Variants in B9D1 observed in about 807,000 individuals in gnomAD.
The protein encoded by B9D1 is B9 domain-containing protein 1.
A neutral mutation model predicts 26.1 loss-of-function variants in B9D1; 20 were observed. That is an observed-to-expected ratio of 0.77 (90% CI 0.54 to 1.12). B9D1 has a LOEUF of 1.12. B9D1 is among the 50% of genes most tolerant of loss of function. The pLI is 0.00. For synonymous variants in B9D1, 105 were observed against 103.1 expected (o/e 1.02, Z -0.11); for missense variants, 260 against 273.7 (o/e 0.95, Z 0.35).
chr17:19,347,901 G>A lies in B9D1; in HGVS notation c.245-21C>T, dbSNP rs1909069384. Reference sequence around the variant, plus strand: ...TGGCCCTTGGGAAGGACAAGGCAGGGGGTGGGCACATGAGGACACACAGGG... The same window carrying A: ...TGGCCCTTGGGAAGGACAAGGCAGGAGGTGGGCACATGAGGACACACAGGG... On this transcript the variant is annotated intron_variant, in intron 3 of 6. Coordinates refer to ENST00000261499, the MANE Select transcript of B9D1 (RefSeq NM_015681.6). This position sits in a 1 kb window ranked among gnomAD's most constrained non-coding sequence, Gnocchi z 4.3. The A allele has an allele frequency of 1.9e-6, 3 of 1,608,998 alleles. No individual in the cohort carries two copies. Among genetic ancestry groups the A allele is most frequent in the South Asian group, 2.2e-5 (2 of 90,936 alleles).
downstream of B9D1, chr17:19,335,560 G>T: frequency 2.9e-6 from 4 of 1,365,634 alleles, no homozygotes; most frequent in East Asian, 1.0e-4. Context: ...AGGGCGTGGG[G>T]TGGGGGGTGC....
At chr17:19,364,997 G>C (rs1190762795), upstream of B9D1, among the ~76,000 whole-genome samples, 1 of 152,216 alleles carries the variant, frequency 6.6e-6, no homozygotes, top group African/African-American at 2.4e-5. The surrounding 1 kb of genome is among the most constrained non-coding windows in gnomAD (Gnocchi z 4.3). Flanking sequence ...GCTCCACCCT[G>C]GCCATCTGCC....
chr17:19,336,378 A>C (rs1907447327), downstream of B9D1: 1 of 152,398 alleles, frequency 6.6e-6, no homozygotes, highest in African/African-American at 2.4e-5. Flanking sequence ...ACTTGGGGTC[A>C]GTGATTCTTT....
At chr17:19,342,994 T>G (rs1202380508), downstream of B9D1, 4 of 926,348 alleles carry the variant, frequency 4.3e-6, no homozygotes, top group Non-Finnish European at 5.7e-6. Flanking sequence ...CAGAACCTGG[T>G]TATGTCAAAG....
chr17:19,340,478 TGCATTCTTAAA>T (rs1246359790), downstream of B9D1, among the ~76,000 whole-genome samples: 3 of 146,768 alleles, frequency 2.0e-5, no homozygotes, highest in Admixed American at 2.0e-4. Flanking sequence ...GGCCTGGTTG[TGCATTCTTAAA>T]GTATTCTTGG....
chr17:19,360,864 T>C (rs1218531412), intron 1 of B9D1, among the ~76,000 whole-genome samples: 1 of 152,038 alleles, frequency 6.6e-6, no homozygotes, highest in Non-Finnish European at 1.5e-5. Context: ...ACAGATAAGG[T>C]CTAAGGCAGG....
At chr17:19,352,597 C>T (rs1277534220) in intron 3 of B9D1, among the ~76,000 whole-genome samples, 1 of 148,764 alleles carries the variant, frequency 6.7e-6, no homozygotes, top group Non-Finnish European at 1.5e-5. Flanking sequence ...TCTTGGCTCA[C>T]TGCAACCTCC....
upstream of B9D1, among the ~76,000 whole-genome samples, chr17:19,363,936 C>T (rs1911432834): frequency 6.6e-6 from 1 of 152,164 alleles, no homozygotes; most frequent in Non-Finnish European, 1.5e-5. Context: ...GCTGGTGGCC[C>T]AAGTGCTGCA....
chr17:19,336,851 C>T (rs373680125), downstream of B9D1: 3 of 152,388 alleles, frequency 2.0e-5, no homozygotes, highest in African/African-American at 4.8e-5. Context: ...TCCTAGTGCC[C>T]GCGTGAGCTG....
At chr17:19,346,686 C>T (rs1180584927) in intron 5 of B9D1, among the ~76,000 whole-genome samples, 1 of 152,216 alleles carries the variant, frequency 6.6e-6, no homozygotes, top group Non-Finnish European at 1.5e-5. Context: ...CTGCCTGCCT[C>T]CCTGATGTCT....
downstream of B9D1, chr17:19,335,549 G>A (rs903556984): frequency 2.4e-5 from 35 of 1,445,674 alleles, no homozygotes; most frequent in Non-Finnish European, 3.2e-5. Flanking sequence ...CAGTTGTCCC[G>A]AGGGCGTGGG....
chr17:19,374,858 A>C (rs1912036959), intron 1 of B9D1, among the ~76,000 whole-genome samples: 1 of 152,248 alleles, frequency 6.6e-6, no homozygotes, highest in African/African-American at 2.4e-5. Context: ...AAATATCTGT[A>C]AATCATGGGA....
In B9D1 at chr17:19,370,293, G is replaced by C. The variant is rs561885736; in HGVS notation, c.-298+7566C>G. On this transcript the variant is annotated intron_variant, in intron 1 of 5. Transcript: ENST00000477478. This position sits in a 1 kb window ranked among gnomAD's most constrained non-coding sequence, Gnocchi z 5.1. ...TCAGGGTGCACACGGGGGAGATGTC[G>C]TAGGACAACTGGGTGTTGGATCTGG... 6.6e-6 allele frequency among the ~76,000 whole-genome samples: 1 copy of C among 152,234 alleles called. No homozygotes were observed. Among genetic ancestry groups the C allele is most frequent in the Non-Finnish European group, 1.5e-5 (1 of 68,036 alleles).
chr17:19,351,921 T>G (rs946726373), intron 3 of B9D1, among the ~76,000 whole-genome samples: 5 of 152,214 alleles, frequency 3.3e-5, no homozygotes, highest in Non-Finnish European at 7.3e-5. Flanking sequence ...GGTCTAGCGC[T>G]GGCACCCAGG....
chr17:19,360,328 G>A lies in B9D1; in HGVS notation c.124C>T (p.Pro42Ser). 1 of 1,613,962 alleles carries A rather than the reference G, an allele frequency of 6.2e-7. No individual in the cohort carries two copies. The highest frequency in any genetic ancestry group is 8.5e-7 in the Non-Finnish European group (1 of 1,180,006). The change falls in exon 2 of 7, where the codon CCC (proline) becomes TCC (serine). Residue 42 changes from proline to serine, a missense_variant. Coordinates refer to ENST00000261499, the MANE Select transcript of B9D1 (RefSeq NM_015681.6). ...YCFVYGQDWA[P>S]TAGLEEGISQ... Reference sequence around the variant, plus strand: ...CCAAGAGTCCAGCTTACCGCTGTGGGGGCCCAGTCCTGGCCGTACACAAAG... The same window carrying A: ...CCAAGAGTCCAGCTTACCGCTGTGGAGGCCCAGTCCTGGCCGTACACAAAG...
downstream of B9D1, among the ~76,000 whole-genome samples, chr17:19,336,903 G>T (rs1907496005): frequency 6.6e-6 from 1 of 152,186 alleles, no homozygotes; most frequent in Admixed American, 6.5e-5. Flanking sequence ...GGGGGTGGGA[G>T]GCGTGCCTTT....
rs569029729 is a variant in B9D1, at chr17:19,347,602, C to T, written c.341+182G>A. 9.9e-5 allele frequency among the ~76,000 whole-genome samples: 15 copies of T among 152,280 alleles called. No homozygotes were observed. The South Asian group carries it at 2.9e-3, about 29-fold the overall frequency. ...CCCAACCCACCTGGTGTGTGGCTGG[C>T]ACCACCCATCTGAAAGGTTCTCCTC... On this transcript the variant is annotated intron_variant, in intron 4 of 6. Transcript: ENST00000261499. This position sits in a 1 kb window ranked among gnomAD's most constrained non-coding sequence, Gnocchi z 4.3.
chr17:19,373,649 G>A (rs79852870), intron 1 of B9D1, among the ~76,000 whole-genome samples: 11,777 of 151,878 alleles, frequency 0.078, 1,571 homozygotes, highest in African/African-American at 0.27. Context: ...TCCACCTGCC[G>A]CGGACTCCCA....
At chr17:19,334,866 G>A (rs78237605), downstream of B9D1, 992 of 153,434 alleles carry the variant, frequency 6.5e-3, 53 homozygotes, top group East Asian at 0.12. This position sits in a 1 kb window ranked among gnomAD's most constrained non-coding sequence, Gnocchi z 4.9. Flanking sequence ...CACATATTTT[G>A]TTTAGTACAG....
Sources: allele counts gnomAD v4.1 joint callset (sites outside exome capture counted in the v4.1 genomes callset), GRCh38; gene constraint gnomAD v4.1.1; non-coding constraint Gnocchi (gnomAD v3.1); transcripts MANE v1.5; gene names NCBI Gene and HGNC (gene_info 2026-07-23, HGNC 2026-07-21).